The following CFAP299 variants were observed in gnomAD, a reference collection of about 807,000 sequenced individuals.
CFAP299 encodes cilia- and flagella-associated protein 299.
Under a neutral mutation model 27.0 loss-of-function variants are expected in CFAP299, and 21 were observed. The observed-to-expected ratio is 0.78, with a 90% CI of 0.55 to 1.12. CFAP299 has a LOEUF of 1.12. Ranked by LOEUF, CFAP299 falls within the 50% of genes most tolerant of loss-of-function variation. CFAP299 has a pLI of 0.00. For missense variants in CFAP299, 310 were observed against 276.6 expected (o/e 1.12, Z -0.86); for synonymous variants, 104 against 98.1 (o/e 1.06, Z -0.36).
At chr4:80,342,183 C>A (rs181892319) in intron 1 of CFAP299, among the ~76,000 whole-genome samples, 1 of 152,238 alleles carries the variant, frequency 6.6e-6, no homozygotes, top group Non-Finnish European at 1.5e-5. Context: ...AAGACTGAAC[C>A]TACGACTGAT....
chr4:80,523,639 G>C (rs948147182), intron 2 of CFAP299, among the ~76,000 whole-genome samples: 1 of 152,058 alleles, frequency 6.6e-6, no homozygotes, highest in Admixed American at 6.6e-5. Flanking sequence ...GGGTGATCTT[G>C]CTCTTTGTAT....
chr4:80,485,970 AT>A (rs1186369217), intron 2 of CFAP299, among the ~76,000 whole-genome samples: 1 of 151,858 alleles, frequency 6.6e-6, no homozygotes, highest in African/African-American at 2.4e-5. Flanking sequence ...TTATATATTT[AT>A]TTTTTTAGAG....
intron 3 of CFAP299, among the ~76,000 whole-genome samples, chr4:80,695,985 C>T (rs1483851604): frequency 2.0e-5 from 3 of 151,954 alleles, no homozygotes; most frequent in African/African-American, 7.2e-5. Flanking sequence ...GGGGATAAAG[C>T]CTGTCATATA....
chr4:80,735,509 G>C (rs550578109), intron 3 of CFAP299, among the ~76,000 whole-genome samples: 1 of 151,972 alleles, frequency 6.6e-6, no homozygotes, highest in Non-Finnish European at 1.5e-5. Flanking sequence ...CATCCTTGTC[G>C]TGTTCCATTT....
intron 3 of CFAP299, among the ~76,000 whole-genome samples, chr4:80,606,823 C>CT (rs199875266): frequency 9.8e-5 from 13 of 132,026 alleles, no homozygotes; most frequent in African/African-American, 1.9e-4. Context: ...AAATTATATG[C>CT]TTTTTAAAAA....
rs191178542 is a variant in CFAP299, at chr4:80,555,225, G to A, written c.243-27868G>A. Among the ~76,000 whole-genome samples the A allele has an allele frequency of 2.6e-4, 39 of 152,126 alleles. No individual in the cohort carries two copies. In the East Asian group the frequency reaches 5.6e-3, roughly 22 times the overall value. ...ATGTGAAGGGGTGTTGAATTTTATTGAATGCCTTTTCTGTGTCTATTGAAA... is the reference window on the plus strand; with the variant it reads ...ATGTGAAGGGGTGTTGAATTTTATTAAATGCCTTTTCTGTGTCTATTGAAA... On this transcript the variant is annotated intron_variant, in intron 2 of 5. Transcript: ENST00000358105.
the CFAP299 span, among the ~76,000 whole-genome samples, chr4:80,326,595 A>C: frequency 6.6e-6 from 1 of 152,154 alleles, no homozygotes; most frequent in Non-Finnish European, 1.5e-5. Flanking sequence ...TCGCAATAGA[A>C]AACACTCTCA....
At chr4:80,408,782 A>T (rs530932502) in intron 2 of CFAP299, among the ~76,000 whole-genome samples, 5 of 151,910 alleles carry the variant, frequency 3.3e-5, no homozygotes, top group Admixed American at 1.3e-4. Context: ...GGGCAAGAAA[A>T]TTACTTACTT....
At chr4:80,850,997 T>C (rs893167200) in intron 3 of CFAP299, among the ~76,000 whole-genome samples, 2 of 151,970 alleles carry the variant, frequency 1.3e-5, no homozygotes, top group Admixed American at 6.6e-5. Context: ...TTTGTTCTTA[T>C]AACAAACATA....
chr4:80,700,926 T>G (rs897093992), intron 3 of CFAP299, among the ~76,000 whole-genome samples: 1 of 152,008 alleles, frequency 6.6e-6, no homozygotes, highest in Non-Finnish European at 1.5e-5. Context: ...CATGTTTATT[T>G]TGTGCCAGCC....
chr4:80,842,619 C>T (rs1406481456), intron 3 of CFAP299, among the ~76,000 whole-genome samples: 1 of 152,128 alleles, frequency 6.6e-6, no homozygotes, highest in Non-Finnish European at 1.5e-5. Context: ...ATTCTAATAA[C>T]AATAGCCGAG....
chr4:80,654,610 G>A (rs1453508979), intron 3 of CFAP299, among the ~76,000 whole-genome samples: 1 of 151,904 alleles, frequency 6.6e-6, no homozygotes, highest in East Asian at 1.9e-4. Context: ...ATTATTCTAA[G>A]CTTTTTGAGA....
chr4:80,870,444 T>A lies in CFAP299; in HGVS notation c.476+309T>A, dbSNP rs148494844. On this transcript the variant is annotated intron_variant, in intron 4 of 5. Coordinates refer to ENST00000358105, the MANE Select transcript of CFAP299 (RefSeq NM_152770.3). ...CTTTTGCAGCACTTGGGACTTGGTC[T>A]GTCCAGAAGCCTCAAGAACTGCTCA... 2.4e-3 allele frequency: 2,482 copies of A among 1,028,848 alleles called. 6 individuals are homozygous for A. Among genetic ancestry groups the A allele is most frequent in the South Asian group, 4.8e-3 (117 of 24,380 alleles). 63.7% of individuals were successfully genotyped at this position (1,028,848 alleles called of 1,614,324 possible).
intron 4 of CFAP299, among the ~76,000 whole-genome samples, chr4:80,886,864 A>G (rs1054646946): frequency 5.3e-5 from 8 of 152,162 alleles, no homozygotes; most frequent in African/African-American, 1.9e-4. Flanking sequence ...TATCAGATAA[A>G]TTTAACAAAG....
chr4:80,322,206 G>A, the CFAP299 span, among the ~76,000 whole-genome samples: 1 of 152,226 alleles, frequency 6.6e-6, no homozygotes, highest in Non-Finnish European at 1.5e-5. Context: ...TTATACACCT[G>A]TGTAAAAGGG....
intron 3 of CFAP299, among the ~76,000 whole-genome samples, chr4:80,745,303 C>T (rs1230514487): frequency 6.6e-6 from 1 of 152,076 alleles, no homozygotes; most frequent in African/African-American, 2.4e-5. Context: ...AAGTATGAAA[C>T]TAATGCCTTA....
At chr4:80,722,462 G>T (rs9991848) in intron 3 of CFAP299, among the ~76,000 whole-genome samples, 90,744 of 151,604 alleles carry the variant, frequency 0.6, 31,727 homozygotes, top group Non-Finnish European at 0.77. Context: ...TGATAAATTG[G>T]ACTTTATTAA....
At chr4:80,681,949 CT>C (rs1344809618) in intron 3 of CFAP299, among the ~76,000 whole-genome samples, 3 of 152,106 alleles carry the variant, frequency 2.0e-5, no homozygotes, top group Non-Finnish European at 4.4e-5. Context: ...TGGAGCAAGC[CT>C]TGGAAATTTA....
intron 2 of CFAP299, among the ~76,000 whole-genome samples, chr4:80,538,141 A>G (rs74624465): frequency 0.058 from 8,814 of 152,082 alleles, 535 homozygotes; most frequent in African/African-American, 0.15. Context: ...AGCATTACTC[A>G]GGTGTCTGTA....
Sources: allele counts gnomAD v4.1 joint callset (sites outside exome capture counted in the v4.1 genomes callset), GRCh38; gene constraint gnomAD v4.1.1; transcripts MANE v1.5; gene names NCBI Gene and HGNC (gene_info 2026-07-23, HGNC 2026-07-21).